WDR45B: variants seen among roughly 807,000 people sequenced by gnomAD.
WDR45B encodes the protein WD repeat domain phosphoinositide-interacting protein 3.
Under a neutral mutation model 44.6 loss-of-function variants are expected in WDR45B, and 20 were observed. The observed-to-expected ratio is 0.45, with a 90% confidence interval of 0.32 to 0.65. The LOEUF (loss-of-function observed/expected upper bound fraction) is 0.65. WDR45B is among the 30% of genes least tolerant of loss of function. The pLI, the probability that WDR45B is intolerant of heterozygous loss-of-function variation, is 0.05. For missense variants in WDR45B, 323 were observed against 430.2 expected, an observed-to-expected ratio of 0.75 and a Z score of 2.20; for synonymous variants, 169 against 164.9, an observed-to-expected ratio of 1.02 and a Z score of -0.19.
At chr17:82,622,069 G>A (rs2045626767) in intron 5 of WDR45B, among the ~76,000 whole-genome samples, 1 of 152,066 alleles carries the variant, frequency 6.6e-6, no homozygotes, top group Non-Finnish European at 1.5e-5. Flanking sequence ...TACCGAAAAT[G>A]CAATGCAAAA....
chr17:82,623,250 G>A (rs1207719453), intron 5 of WDR45B, among the ~76,000 whole-genome samples: 1 of 151,908 alleles, frequency 6.6e-6, no homozygotes, highest in Non-Finnish European at 1.5e-5. Flanking sequence ...ATCCAGGCGT[G>A]GTGGCGGGTG....
chr17:82,648,419 GCGCTGAGGCCGC>G lies in WDR45B; in HGVS notation c.-91_-80del, dbSNP rs2046011571. On this transcript the variant is annotated 5_prime_UTR_variant, in exon 1 of 10. Coordinates refer to ENST00000392325, the MANE Select transcript of WDR45B (RefSeq NM_019613.4). ...ACGGCGGCCTGGTCCCTTCGGGCCG[GCGCTGAGGCCGC>G]CGCGGCCGGAAGTGCCGGACGTACG... 2.0e-6 allele frequency: 3 copies of G among 1,535,056 alleles called. No individual in the cohort carries two copies. The highest frequency in any genetic ancestry group is 2.6e-6 in the Non-Finnish European group (3 of 1,136,694).
At chr17:82,617,640 T>C (rs2045555801) in intron 7 of WDR45B, 1 of 532,512 alleles carries the variant, frequency 1.9e-6, no homozygotes, top group Admixed American at 2.6e-5. Context: ...GCCCCACAAA[T>C]GCAGCTGATG....
At chr17:82,636,924 A>G (rs2045840047) in intron 2 of WDR45B, among the ~76,000 whole-genome samples, 1 of 151,888 alleles carries the variant, frequency 6.6e-6, no homozygotes, top group Non-Finnish European at 1.5e-5. Context: ...CAAGTAGCCT[A>G]TTGGGTCAGC....
chr17:82,627,080 A>C, intron 4 of WDR45B, 124 bp downstream of exon 4: 3 of 846,206 alleles, frequency 3.5e-6, no homozygotes, highest in Non-Finnish European at 6.1e-6. Context: ...TGGTCATAAA[A>C]ACCAGGACCA....
At chr17:82,620,011 G>A (rs1482285924) in intron 6 of WDR45B, among the ~76,000 whole-genome samples, 1 of 152,200 alleles carries the variant, frequency 6.6e-6, no homozygotes, top group African/African-American at 2.4e-5. Context: ...AAAGTTGCAG[G>A]GAGTGGGGAT....
chr17:82,640,500 A>G lies in WDR45B; in HGVS notation c.142+3449T>C, dbSNP rs375135264. Among the ~76,000 whole-genome samples the G allele has an allele frequency of 2.2e-4, 33 of 151,844 alleles. No individual in the cohort carries two copies. The East Asian group carries it at 5.8e-3, about 27-fold the overall frequency. ...CGAGTAGCTGGGATTAAAGGCACGCACCACCAGGTCCAGCTAATTTTTGTA... is the reference window on the plus strand; with the variant it reads ...CGAGTAGCTGGGATTAAAGGCACGCGCCACCAGGTCCAGCTAATTTTTGTA... On this transcript the variant is annotated intron_variant, in intron 2 of 9. Transcript: ENST00000392325.
At chr17:82,633,667 T>C (rs1386792143) in intron 2 of WDR45B, among the ~76,000 whole-genome samples, 1 of 152,154 alleles carries the variant, frequency 6.6e-6, no homozygotes, top group Non-Finnish European at 1.5e-5. Flanking sequence ...GGAACTCTCA[T>C]GCACTGTCTG....
intron 2 of WDR45B, among the ~76,000 whole-genome samples, chr17:82,632,888 G>C (rs771849640): frequency 6.6e-6 from 1 of 152,032 alleles, no homozygotes; most frequent in Non-Finnish European, 1.5e-5. Context: ...TAAAAAATTC[G>C]CCGGCCGCAG....
rs551113557 is a variant in WDR45B at position 82,615,784 on chromosome 17, C to G, written c.*135G>C. 3 of 772,464 alleles carry G rather than the reference C, an allele frequency of 3.9e-6. No individual in the cohort carries two copies. The highest frequency in any genetic ancestry group is 3.4e-5 in the African/African-American group (2 of 58,360). 47.9% of individuals were successfully genotyped at this position (772,464 alleles called of 1,614,324 possible). ...TGGGAGTCCTTAGGAAAGCAGACAA[C>G]CACGTATGGCTTCGAGACCAAGGTC... On this transcript the variant is annotated 3_prime_UTR_variant, in exon 10 of 10. Coordinates refer to ENST00000392325, the MANE Select transcript of WDR45B (RefSeq NM_019613.4).
chr17:82,616,869 G>GT (rs996602407), intron 8 of WDR45B, among the ~76,000 whole-genome samples: 2 of 151,984 alleles, frequency 1.3e-5, no homozygotes, highest in Non-Finnish European at 2.9e-5. Flanking sequence ...CCAGGCTGGA[G>GT]TGCAGGGGCG....
At chr17:82,632,491 C>T (rs1315831631) in intron 2 of WDR45B, among the ~76,000 whole-genome samples, 2 of 151,994 alleles carry the variant, frequency 1.3e-5, no homozygotes, top group Non-Finnish European at 1.5e-5. Flanking sequence ...TCATGAATTA[C>T]GTAAGAGGAA....
chr17:82,631,126 T>A, intron 2 of WDR45B, 104 bp from the exon 3 acceptor site: 1 of 1,165,954 alleles, frequency 8.6e-7, no homozygotes, highest in South Asian at 1.3e-5. Context: ...CAATTTTCTA[T>A]TTTTTGTAAG....
At chr17:82,627,133 T>C in intron 4 of WDR45B, 71 bp downstream of exon 4, 1 of 1,264,296 alleles carries the variant, frequency 7.9e-7, no homozygotes, top group African/African-American at 1.5e-5. Context: ...CTGCCAAAAA[T>C]AGAAAAGTAT....
At chr17:82,633,667 T>G (rs1386792143) in intron 2 of WDR45B, among the ~76,000 whole-genome samples, 1 of 152,154 alleles carries the variant, frequency 6.6e-6, no homozygotes, top group African/African-American at 2.4e-5. Context: ...GGAACTCTCA[T>G]GCACTGTCTG....
intron 2 of WDR45B, among the ~76,000 whole-genome samples, chr17:82,638,892 G>T (rs1176707485): frequency 6.6e-6 from 1 of 151,888 alleles, no homozygotes; most frequent in African/African-American, 2.4e-5. Context: ...GCACGATCTC[G>T]GCTCACTGTA....
intron 2 of WDR45B, among the ~76,000 whole-genome samples, chr17:82,638,981 C>A (rs2045874758): frequency 6.6e-6 from 1 of 151,900 alleles, no homozygotes; most frequent in Admixed American, 6.5e-5. Flanking sequence ...CACCACCATG[C>A]CCGGCTAATT....
intron 2 of WDR45B, among the ~76,000 whole-genome samples, chr17:82,639,393 A>T (rs1179468465): frequency 6.6e-6 from 1 of 152,018 alleles, no homozygotes; most frequent in Non-Finnish European, 1.5e-5. Flanking sequence ...CAAACAGTAC[A>T]TCTATAATGA....
At chr17:82,620,623 C>T (rs1473173329) in intron 6 of WDR45B, among the ~76,000 whole-genome samples, 1 of 152,258 alleles carries the variant, frequency 6.6e-6, no homozygotes, top group South Asian at 2.1e-4. Context: ...TGCCCACAAA[C>T]GGATACCATC....
Sources: gnomAD v4.1 joint callset for allele counts (sites outside exome capture counted in the v4.1 genomes callset) on GRCh38, gnomAD v4.1.1 for gene constraint, MANE v1.5 for transcripts, NCBI Gene and HGNC (gene_info 2026-07-23, HGNC 2026-07-21) for gene names.